Variants in SEL1L observed in about 807,000 individuals in gnomAD.
SEL1L encodes the protein protein sel-1 homolog 1.
Under a neutral mutation model 109.8 loss-of-function variants are expected in SEL1L, and 52 were observed. The observed-to-expected ratio is 0.47, with a 90% CI of 0.38 to 0.60. The LOEUF (loss-of-function observed/expected upper bound fraction) is 0.60. SEL1L is among the 20% of genes least tolerant of loss of function. The pLI is 0.00. For missense variants in SEL1L, 749 were observed against 962.2 expected (o/e 0.78, Z 2.93); for synonymous variants, 373 against 339.6 (o/e 1.10, Z -1.08).
chr14:81,493,959 G>T (rs575495829), intron 11 of SEL1L, among the ~76,000 whole-genome samples: 3 of 152,134 alleles, frequency 2.0e-5, no homozygotes, highest in African/African-American at 7.2e-5. Flanking sequence ...GAACATTAAA[G>T]TTCTTCAGGG....
At chr14:81,496,322 AAAAAAC>A (rs151201599) in intron 10 of SEL1L, among the ~76,000 whole-genome samples, 1 of 150,850 alleles carries the variant, frequency 6.6e-6, no homozygotes, top group Non-Finnish European at 1.5e-5. Flanking sequence ...ACTCCGTCTC[AAAAAAC>A]AAAAACAAAA....
In SEL1L at chr14:81,472,133, G is replaced by C. The variant is rs1292265210; in HGVS notation, c.*4839C>G. On this transcript the variant is annotated 3_prime_UTR_variant, in exon 21 of 21. Coordinates refer to ENST00000336735, the MANE Select transcript of SEL1L (RefSeq NM_005065.6). ...TCAAGTTGCAGCCAATGAAGATGGA[G>C]GACATTCTAATGACTTGCCAGAAAG... The C allele has an allele frequency of 6.5e-6, 1 of 153,734 alleles. No homozygotes were observed. The highest frequency in any genetic ancestry group is 2.4e-5 in the African/African-American group (1 of 41,448). The allele number at this position is 153,734 out of a possible 1,614,324, so 9.5% of individuals were successfully genotyped here.
chr14:81,493,651 G>A (rs1306332528), intron 11 of SEL1L, among the ~76,000 whole-genome samples: 1 of 152,072 alleles, frequency 6.6e-6, no homozygotes, highest in African/African-American at 2.4e-5. Context: ...CAAGCTTCTC[G>A]AATAAATTGG....
chr14:81,503,917 A>T (rs1464222739), intron 5 of SEL1L, among the ~76,000 whole-genome samples: 1 of 152,222 alleles, frequency 6.6e-6, no homozygotes, highest in Non-Finnish European at 1.5e-5. Flanking sequence ...TTTGAATTCT[A>T]AATAGTATAT....
rs1265601695 is a variant in SEL1L, at chr14:81,474,673, T to C, written c.*2299A>G. 4 of 152,184 alleles carry C rather than the reference T, an allele frequency of 2.6e-5. No homozygotes were observed. In the East Asian group the frequency reaches 5.8e-4, roughly 22 times the overall value. 9.4% of individuals were successfully genotyped at this position (152,184 alleles called of 1,614,324 possible). A position where few individuals can be genotyped will look rare whatever the true frequency, so the allele number is the denominator to read the frequency against. ...AAAAGAAGAAGAGAGCAAAGTATTT[T>C]TGAGACAGTCTTTAAGTGAAGCCAT... is the stretch of plus-strand genomic sequence containing the variant. On this transcript the variant is annotated 3_prime_UTR_variant, in exon 21 of 21. Transcript: ENST00000336735.
chr14:81,487,654 T>C lies in SEL1L; in HGVS notation c.1484-116A>G, dbSNP rs558495467. The C allele has an allele frequency of 2.7e-5, 41 of 1,517,866 alleles. No homozygotes were observed. In the East Asian group the frequency reaches 7.9e-4, roughly 29 times the overall value. The allele number at this position is 1,517,866 out of a possible 1,614,324, so 94.0% of individuals were successfully genotyped here. On this transcript the variant is annotated intron_variant, in intron 15 of 20. Transcript: ENST00000336735. ...TGAAAGAATTCTTACTGAGTAAATA[T>C]GTGAATCTAATACAAGCTAACACAC...
At chr14:81,513,272 C>T (rs1182214090) in intron 3 of SEL1L, among the ~76,000 whole-genome samples, 1 of 152,228 alleles carries the variant, frequency 6.6e-6, no homozygotes, top group Non-Finnish European at 1.5e-5. Context: ...CCAGCAGTGG[C>T]AACCCCCTCG....
chr14:81,499,079 T>C, intron 8 of SEL1L: 1 of 903,868 alleles, frequency 1.1e-6, no homozygotes, highest in Non-Finnish European at 1.3e-6. Flanking sequence ...TATTTCATGT[T>C]GTTTTTCTAT....
chr14:81,527,709 C>A lies in SEL1L; in HGVS notation c.100G>T (p.Asp34Tyr). ...DEEGSQDESL[D>Y]SKTTLTSDES... is the part of the protein sequence containing the mutation. ...CACATTTTAGTACATACCTTGGAAT[C>A]TAAGGATTCATCCTGGCTGCCTTCT... The change falls in exon 2 of 21, where the codon GAT becomes TAT. Residue 34 changes from aspartate to tyrosine, a missense_variant. Asp to Tyr is a radical substitution (Grantham distance 160). Around this residue, in one of 2 missense-constraint regions of SEL1L, gnomAD observed 366 missense variants for 399.8 expected, o/e 0.92. Transcript: ENST00000336735. The A allele has an allele frequency of 6.2e-7, 1 of 1,602,458 alleles. No homozygotes were observed. Among genetic ancestry groups the A allele is most frequent in the Non-Finnish European group, 8.5e-7 (1 of 1,174,564 alleles).
intron 19 of SEL1L, among the ~76,000 whole-genome samples, chr14:81,481,104 G>A (rs1480815995): frequency 5.6e-4 from 85 of 152,156 alleles, no homozygotes; most frequent in Non-Finnish European, 1.5e-4. Flanking sequence ...GGCATCTTGT[G>A]TTTCCCTGTG....
In SEL1L at chr14:81,479,715, TA is replaced by T; in HGVS notation, c.2071del (p.Tyr691MetfsTer17). On this transcript the variant is annotated frameshift_variant, in exon 20 of 21. Transcript: ENST00000336735. LOFTEE classifies it high-confidence loss of function. ...TGGGCTGGCTTCAGCTGCCATGTCA[TA>T]AAAACGTTTCGCAAGGTGAATATCC... ...KQDIHLAKRF[Y>X]DMAAEASPDA... 1 of 1,613,534 alleles carries T rather than the reference TA, an allele frequency of 6.2e-7. No homozygotes were observed. Among genetic ancestry groups the T allele is most frequent in the South Asian group, 1.1e-5 (1 of 90,956 alleles).
intron 3 of SEL1L, among the ~76,000 whole-genome samples, chr14:81,522,977 G>C (rs1435086800): frequency 6.6e-6 from 1 of 152,142 alleles, no homozygotes; most frequent in Non-Finnish European, 1.5e-5. Context: ...TGGATACAGA[G>C]GGCTGACATG....
In SEL1L at chr14:81,526,848, C is replaced by T; in HGVS notation, c.225G>A (p.Glu75=). The T allele has an allele frequency of 6.2e-7, 1 of 1,602,778 alleles. No individual in the cohort carries two copies. The highest frequency in any genetic ancestry group is 1.1e-5 in the South Asian group (1 of 88,780). The part of the protein sequence containing the change: ...ESELESSIQE[E]EDSLKSQEGE... ...CCTCTTGGCTCTTGAGGCTGTCTTC[C>T]TCTTCTTGAATAGAGGATTCTAATT... Residue 75 remains glutamate (E), a synonymous_variant, in exon 3 of 21, where the codon GAG becomes GAA. Transcript: ENST00000336735.
intron 4 of SEL1L, among the ~76,000 whole-genome samples, chr14:81,505,204 A>G (rs1232497826): frequency 6.6e-6 from 1 of 152,260 alleles, no homozygotes; most frequent in Admixed American, 6.5e-5. Flanking sequence ...AATACAAGTT[A>G]GTAAAAAATT....
chr14:81,499,612 T>C lies in SEL1L; in HGVS notation c.828A>G (p.Ala276=), dbSNP rs201974446. ...ASGLGVNSSQ[A]KALVYYTFGA... is the part of the protein sequence containing the mutation. ...AATAAAGTTTTAATAGTATTACCTT[T>C]GCCTGACTTGAATTAACACCAAGTC... Residue 276 remains alanine, a synonymous_variant, in exon 7 of 21, where the codon GCA becomes GCG. Transcript: ENST00000336735. 4 of 1,611,046 alleles carry C rather than the reference T, an allele frequency of 2.5e-6. No individual in the cohort carries two copies. The highest frequency in any genetic ancestry group is 3.4e-5 in the Admixed American group (2 of 59,402).
In SEL1L at chr14:81,486,379, C is replaced by A; in HGVS notation, c.1708G>T (p.Asp570Tyr). 1.2e-6 allele frequency: 2 copies of A among 1,614,086 alleles called. No individual in the cohort carries two copies. The highest frequency in any genetic ancestry group is 1.7e-6 in the Non-Finnish European group (2 of 1,180,000). Residue 570 changes from aspartate to tyrosine, a missense_variant, in exon 17 of 21, where the codon GAT (aspartate) becomes TAT (tyrosine). By Grantham distance (160) the Asp-to-Tyr change is radical (BLOSUM62 -3). This residue lies in a region of SEL1L where 383 missense variants were observed against 562.5 expected (regional missense o/e 0.68). Transcript: ENST00000336735. ...TACTGGATCACTGCAGCATTGTAATCGCCATCTTTATAGCTGTTATAGGCA... is the reference window on the plus strand; with the variant it reads ...TACTGGATCACTGCAGCATTGTAATAGCCATCTTTATAGCTGTTATAGGCA... ...MTAYNSYKDG[D>Y]YNAAVIQYLL...
intron 13 of SEL1L, 103 bp from the exon 14 acceptor site, chr14:81,489,417 C>A (rs1883458106): frequency 1.1e-6 from 1 of 930,664 alleles, no homozygotes; most frequent in African/African-American, 1.6e-5. Context: ...TATTCAAAAA[C>A]ATGTCTTAGT....
intron 14 of SEL1L, chr14:81,488,793 C>T (rs1225946542): frequency 4.9e-6 from 1 of 204,422 alleles, no homozygotes; most frequent in Non-Finnish European, 9.7e-6. Context: ...GCTAAGAACT[C>T]AAGAGTGAAT....
chr14:81,512,726 T>A lies in SEL1L; in HGVS notation c.341-6485A>T, dbSNP rs139999469. 4.7e-3 allele frequency among the ~76,000 whole-genome samples: 710 copies of A among 152,348 alleles called. 4 individuals are homozygous for A. The highest frequency in any genetic ancestry group is 0.016 in the African/African-American group (665 of 41,574). On this transcript the variant is annotated intron_variant, in intron 3 of 20. Transcript: ENST00000336735. ...TCTGCCATTGTCTGATGGATTTTTT[T>A]ATTTACAACAAAACCTGTTCCTTTT...
Sources: gnomAD v4.1 joint callset for allele counts (sites outside exome capture counted in the v4.1 genomes callset) on GRCh38, gnomAD v4.1.1 for gene constraint, gnomAD v4.1.1 regional missense constraint, MANE v1.5 for transcripts, NCBI Gene and HGNC (gene_info 2026-07-23, HGNC 2026-07-21) for gene names.